The following RORA variants were observed in gnomAD, a reference collection of about 807,000 sequenced individuals.
RORA encodes RAR related orphan receptor A.
In RORA, 7 loss-of-function variants were observed where a neutral mutation model predicts 69.5. The ratio of observed to expected loss-of-function variants is 0.10; its 90% CI spans 0.06 to 0.19. RORA has a LOEUF of 0.19. RORA is among the 10% of genes least tolerant of loss of function. The probability of loss-of-function intolerance (pLI) is 1.00; values close to 1 mark genes in which losing one functional copy is unlikely to be tolerated. For missense variants in RORA, 457 were observed against 663.0 expected, an observed-to-expected ratio of 0.69 and a Z score of 3.41; for synonymous variants, 261 against 240.8, an observed-to-expected ratio of 1.08 and a Z score of -0.78.
At chr15:61,136,097 G>C (rs762145183) in intron 1 of RORA, among the ~76,000 whole-genome samples, 19 of 152,130 alleles carry the variant, frequency 1.2e-4, no homozygotes, top group Non-Finnish European at 2.4e-4. Context: ...TTAGTGTGCC[G>C]CTTCCAGATT....
chr15:60,590,444 A>G (rs1316275003), intron 2 of RORA, among the ~76,000 whole-genome samples: 1 of 152,166 alleles, frequency 6.6e-6, no homozygotes, highest in Non-Finnish European at 1.5e-5. Context: ...ATTAAAACGT[A>G]CTTTCCTTTT....
chr15:60,774,133 GAC>G (rs943479996), intron 1 of RORA, among the ~76,000 whole-genome samples: 1 of 152,164 alleles, frequency 6.6e-6, no homozygotes, highest in Non-Finnish European at 1.5e-5. Flanking sequence ...GGACCTGGCG[GAC>G]ACCCACAGCC....
chr15:60,882,636 T>C (rs2073696097), intron 1 of RORA, among the ~76,000 whole-genome samples: 1 of 147,494 alleles, frequency 6.8e-6, no homozygotes, highest in Non-Finnish European at 1.5e-5. Context: ...GGAGCTTAAC[T>C]ACACACACAC....
intron 2 of RORA, among the ~76,000 whole-genome samples, chr15:60,645,319 G>A (rs1423677429): frequency 6.6e-6 from 1 of 151,806 alleles, no homozygotes; most frequent in Non-Finnish European, 1.5e-5. Context: ...AAGGACAAAG[G>A]AGGGAGATGA....
chr15:61,123,905 G>C (rs1333992858), intron 1 of RORA, among the ~76,000 whole-genome samples: 1 of 152,134 alleles, frequency 6.6e-6, no homozygotes, highest in African/African-American at 2.4e-5. Context: ...GACACCTCTG[G>C]GTAGGATGCT....
At chr15:61,033,863 C>T (rs1297445162) in intron 1 of RORA, among the ~76,000 whole-genome samples, 1 of 151,556 alleles carries the variant, frequency 6.6e-6, no homozygotes, top group African/African-American at 2.4e-5. Flanking sequence ...GAGCCCAGAA[C>T]TTTGAGACCA....
At position 61,128,269 on chromosome 15, in the gene RORA, A is replaced by G. The variant is rs1280669825; in HGVS notation, c.166+100784T>C. 6.6e-6 allele frequency among the ~76,000 whole-genome samples: 1 copy of G among 152,094 alleles called. No homozygotes were observed. Among genetic ancestry groups the G allele is most frequent in the Non-Finnish European group, 1.5e-5 (1 of 68,014 alleles). Reference sequence around the variant, plus strand: ...TGCAAGGGTATACTTTTAAAGCACTAGAAAAAAACAGCAAATTGACCGGAG... The same window carrying G: ...TGCAAGGGTATACTTTTAAAGCACTGGAAAAAAACAGCAAATTGACCGGAG... On this transcript the variant is annotated intron_variant, in intron 1 of 10. Coordinates refer to ENST00000335670, the MANE Select transcript of RORA (RefSeq NM_134261.3). This position sits in a 1 kb window ranked among gnomAD's most constrained non-coding sequence, Gnocchi z 4.5.
At chr15:61,106,399 C>A (rs1265317652) in intron 1 of RORA, among the ~76,000 whole-genome samples, 1 of 152,208 alleles carries the variant, frequency 6.6e-6, no homozygotes, top group Non-Finnish European at 1.5e-5. Context: ...ATTACTCATT[C>A]ATTTAATAAC....
chr15:61,123,041 A>G (rs1424708065), intron 1 of RORA, among the ~76,000 whole-genome samples: 1 of 152,130 alleles, frequency 6.6e-6, no homozygotes, highest in African/African-American at 2.4e-5. Context: ...TGTAACCTCA[A>G]TTTCAACCTT....
At chr15:60,636,622 AT>A (rs1176233935) in intron 2 of RORA, among the ~76,000 whole-genome samples, 1 of 152,058 alleles carries the variant, frequency 6.6e-6, no homozygotes, top group Non-Finnish European at 1.5e-5. Flanking sequence ...TTGTAGTTTG[AT>A]TTTTCTTATT....
chr15:60,905,335 G>T lies in RORA; in HGVS notation c.167-226649C>A, dbSNP rs2140472705. 6.6e-6 allele frequency among the ~76,000 whole-genome samples: 1 copy of T among 152,316 alleles called. No homozygotes were observed. Among genetic ancestry groups the T allele is most frequent in the East Asian group, 1.9e-4 (1 of 5,190 alleles). On this transcript the variant is annotated intron_variant, in intron 1 of 10. Coordinates refer to ENST00000335670, the MANE Select transcript of RORA (RefSeq NM_134261.3). The surrounding 1 kb of genome is among the most constrained non-coding windows in gnomAD (Gnocchi z 4.8). Reference sequence around the variant, plus strand: ...ATTTGCATCGTTATATGAGTGCAAAGCATGATGATAAAATATGCAATTCTT... The same window carrying T: ...ATTTGCATCGTTATATGAGTGCAAATCATGATGATAAAATATGCAATTCTT...
intron 1 of RORA, among the ~76,000 whole-genome samples, chr15:61,214,927 C>T (rs919353783): frequency 6.9e-5 from 10 of 145,478 alleles, no homozygotes; most frequent in Non-Finnish European, 1.3e-4. Context: ...TGCAGTGGCA[C>T]GATCTCGGCT....
intron 1 of RORA, among the ~76,000 whole-genome samples, chr15:60,745,768 A>AT (rs1465765584): frequency 6.6e-6 from 1 of 152,108 alleles, no homozygotes; most frequent in African/African-American, 2.4e-5. Context: ...CACCTGCTTC[A>AT]TTTTTTTCCC....
At chr15:60,958,067 A>G (rs1275233032) in intron 1 of RORA, among the ~76,000 whole-genome samples, 1 of 151,866 alleles carries the variant, frequency 6.6e-6, no homozygotes, top group East Asian at 1.9e-4. Context: ...CTTCAATTGG[A>G]TAAATAAATT....
At chr15:60,586,493 A>G (rs908039703) in intron 2 of RORA, among the ~76,000 whole-genome samples, 2 of 152,060 alleles carry the variant, frequency 1.3e-5, no homozygotes, top group African/African-American at 4.8e-5. Flanking sequence ...TGTGTGTTAC[A>G]GTACTAGTCT....
chr15:61,178,034 G>A (rs1467664397), intron 1 of RORA, among the ~76,000 whole-genome samples: 1 of 151,540 alleles, frequency 6.6e-6, no homozygotes, highest in Admixed American at 6.6e-5. Context: ...AAGAAATGAG[G>A]AAGGGAGGCA....
In RORA at chr15:60,702,710, T is replaced by C. The variant is rs1378042264; in HGVS notation, c.167-24024A>G. On this transcript the variant is annotated intron_variant, in intron 1 of 10. Transcript: ENST00000335670. The stretch of plus-strand genomic sequence containing the variant: ...ACTGAAACAATGCATGTGCAAGTGG[T>C]TGTCACATGGTAGGTCCTAAAAACG... 2.6e-5 allele frequency among the ~76,000 whole-genome samples: 4 copies of C among 152,334 alleles called. No individual in the cohort carries two copies. The East Asian group carries it at 5.8e-4, about 22-fold the overall frequency.
intron 1 of RORA, chr15:61,176,272 C>T (rs1042126057): frequency 6.6e-6 from 1 of 152,122 alleles, no homozygotes; most frequent in Non-Finnish European, 1.5e-5. Flanking sequence ...TTCTGCGAAC[C>T]GCCCTACTGT....
intron 1 of RORA, among the ~76,000 whole-genome samples, chr15:60,865,937 C>T (rs2073482384): frequency 6.6e-6 from 1 of 152,066 alleles, no homozygotes; most frequent in South Asian, 2.1e-4. Context: ...TTGGCCTAGA[C>T]AACTTATCTT....
Sources: gnomAD v4.1 joint callset for allele counts (sites outside exome capture counted in the v4.1 genomes callset) on GRCh38, gnomAD v4.1.1 for gene constraint, Gnocchi (gnomAD v3.1) non-coding constraint, MANE v1.5 for transcripts, NCBI Gene and HGNC (gene_info 2026-07-23, HGNC 2026-07-21) for gene names.